Variants in TMEM135 observed in about 807,000 individuals in gnomAD.
TMEM135 encodes the protein transmembrane protein 135, also known as peroxisomal membrane protein 52.
A neutral mutation model predicts 60.3 loss-of-function variants in TMEM135; 30 were observed. The ratio of observed to expected loss-of-function variants is 0.50; its 90% CI spans 0.37 to 0.68. The LOEUF is 0.68. Ranked by LOEUF, TMEM135 falls within the 30% of genes least tolerant of loss-of-function variation. TMEM135 has a pLI of 0.00. For missense variants in TMEM135, 468 were observed against 548.8 expected, an observed-to-expected ratio of 0.85 and a Z score of 1.47; for synonymous variants, 190 against 186.7, an observed-to-expected ratio of 1.02 and a Z score of -0.14.
chr11:87,249,446 T>G (rs1941366029), intron 6 of TMEM135, among the ~76,000 whole-genome samples: 1 of 152,156 alleles, frequency 6.6e-6, no homozygotes, highest in Non-Finnish European at 1.5e-5. Flanking sequence ...TCTTTTGTAT[T>G]TTTTGTGTGT....
At chr11:87,057,652 G>T (rs949111521) in intron 1 of TMEM135, among the ~76,000 whole-genome samples, 2 of 151,982 alleles carry the variant, frequency 1.3e-5, no homozygotes, top group East Asian at 3.8e-4. Context: ...GGTAAATATT[G>T]GTCTATAATA....
intron 6 of TMEM135, among the ~76,000 whole-genome samples, chr11:87,258,193 C>G (rs12273390): frequency 0.38 from 52,877 of 138,608 alleles, 9,852 homozygotes; most frequent in Non-Finnish European, 0.44. Flanking sequence ...TGGGGAAAAG[C>G]CTTTTTTTTT....
chr11:87,091,419 G>A (rs768861685), intron 4 of TMEM135, 24 bp downstream of exon 4: 1 of 1,608,908 alleles, frequency 6.2e-7, no homozygotes, highest in Non-Finnish European at 8.5e-7. Flanking sequence ...TTTAACCTTT[G>A]ATGTCTTCCC....
intron 6 of TMEM135, among the ~76,000 whole-genome samples, chr11:87,250,573 G>A (rs519308): frequency 0.66 from 100,100 of 151,780 alleles, 33,562 homozygotes; most frequent in Non-Finnish European, 0.71. Context: ...TCTATGTGTA[G>A]TTTCCAAAGT....
chr11:87,317,781 G>A (rs1051580772), intron 12 of TMEM135, among the ~76,000 whole-genome samples: 9 of 152,070 alleles, frequency 5.9e-5, no homozygotes, highest in African/African-American at 2.2e-4. Context: ...CCGGCGTGTA[G>A]ACACCATTAA....
intron 4 of TMEM135, among the ~76,000 whole-genome samples, chr11:87,146,992 G>A (rs1591055078): frequency 6.6e-6 from 1 of 151,978 alleles, no homozygotes; most frequent in Non-Finnish European, 1.5e-5. Flanking sequence ...CTTTCTATAA[G>A]ATGATGCCTA....
rs1942465954 is a variant in TMEM135 at position 87,302,434 on chromosome 11, G to A, written c.690G>A (p.Val230=). Residue 230 remains valine, a synonymous_variant, in exon 8 of 15, where the codon GTG becomes GTA. Coordinates refer to ENST00000305494, the MANE Select transcript of TMEM135 (RefSeq NM_022918.4). ...MNMIGLVRKF[V]DSICKHGPRH... is the part of the protein sequence containing the mutation. ...TGATTGGTCTAGTCAGGAAATTTGT[G>A]GATTCAATGTGAGCTCTTTATCTTG... is the stretch of plus-strand genomic sequence containing the variant. 7 of 1,613,748 alleles carry A rather than the reference G, an allele frequency of 4.3e-6. No homozygotes were observed. In the East Asian group the frequency reaches 1.6e-4, roughly 36 times the overall value.
At chr11:87,084,847 G>T (rs1445397182) in intron 3 of TMEM135, among the ~76,000 whole-genome samples, 2 of 152,142 alleles carry the variant, frequency 1.3e-5, no homozygotes, top group Non-Finnish European at 2.9e-5. Flanking sequence ...CTCCTGTGAA[G>T]TTTAACAAGT....
In TMEM135 at chr11:87,322,224, G is replaced by T. The variant is rs1248212119; in HGVS notation, c.*891G>T. 4.4e-6 allele frequency: 2 copies of T among 454,272 alleles called. No homozygotes were observed. Among genetic ancestry groups the T allele is most frequent in the Admixed American group, 2.4e-5 (1 of 42,544 alleles). The allele number at this position is 454,272 out of a possible 1,614,324, so 28.1% of individuals were successfully genotyped here. A position where few individuals can be genotyped will look rare whatever the true frequency, so the allele number is the denominator to read the frequency against. On this transcript the variant is annotated 3_prime_UTR_variant, in exon 15 of 15. Coordinates refer to ENST00000305494, the MANE Select transcript of TMEM135 (RefSeq NM_022918.4). ...TTATATGCCATTGTTGTATTAGAAG[G>T]GATCAAAATCCTATGGAACAAAGTA...
chr11:87,180,591 G>A (rs1473568187), intron 5 of TMEM135, among the ~76,000 whole-genome samples: 1 of 152,096 alleles, frequency 6.6e-6, no homozygotes, highest in Non-Finnish European at 1.5e-5. Flanking sequence ...TCAAGGAGAT[G>A]AAATAAAAAG....
At chr11:87,248,447 G>A (rs568249411) in intron 6 of TMEM135, among the ~76,000 whole-genome samples, 1 of 152,250 alleles carries the variant, frequency 6.6e-6, no homozygotes, top group South Asian at 2.1e-4. Flanking sequence ...TTTCTCTGAT[G>A]ATCAGTGATG....
rs1277815177 is a variant in TMEM135 at position 87,164,660 on chromosome 11, C to T, written c.462+7254C>T. ...GGCCGTTTTCACGATATTGATTCTT[C>T]CTGCCCATGAGCATGGAATGTTCTT... On this transcript the variant is annotated intron_variant, in intron 5 of 14. Coordinates refer to ENST00000305494, the MANE Select transcript of TMEM135 (RefSeq NM_022918.4). Among the ~76,000 whole-genome samples the T allele has an allele frequency of 2.0e-5, 2 of 97,690 alleles. 1 individual carries two copies. The highest frequency in any genetic ancestry group is 3.8e-5 in the Non-Finnish European group (2 of 52,414). 64.1% of individuals were successfully genotyped at this position (97,690 alleles called of 152,430 possible).
intron 5 of TMEM135, among the ~76,000 whole-genome samples, chr11:87,161,044 C>T (rs917561079): frequency 6.6e-6 from 1 of 152,240 alleles, no homozygotes; most frequent in South Asian, 2.1e-4. Flanking sequence ...GGACCACATG[C>T]ATCCACTACC....
rs1057238242 is a variant in TMEM135 at position 87,328,119 on chromosome 11, C to T, written c.*6786C>T. On this transcript the variant is annotated 3_prime_UTR_variant, in exon 15 of 15. Transcript: ENST00000305494. ...CATCACAGGCTTTATGGCTCTATTACCCAAGAATTCTGTTACTTTCAGCTG... is the reference window on the plus strand; with the variant it reads ...CATCACAGGCTTTATGGCTCTATTATCCAAGAATTCTGTTACTTTCAGCTG... The T allele has an allele frequency of 4.4e-6, 2 of 454,022 alleles. No homozygotes were observed. Among genetic ancestry groups the T allele is most frequent in the Non-Finnish European group, 4.4e-6 (1 of 226,784 alleles). 28.1% of individuals were successfully genotyped at this position (454,022 alleles called of 1,614,324 possible).
At chr11:87,141,625 G>A (rs1272910684) in intron 4 of TMEM135, among the ~76,000 whole-genome samples, 4 of 152,104 alleles carry the variant, frequency 2.6e-5, no homozygotes, top group Admixed American at 2.6e-4. Flanking sequence ...GCAAATAGAA[G>A]TGGTGAGAGT....
intron 6 of TMEM135, among the ~76,000 whole-genome samples, chr11:87,253,244 A>C (rs1413930840): frequency 6.6e-6 from 1 of 152,158 alleles, no homozygotes; most frequent in African/African-American, 2.4e-5. Flanking sequence ...CTAACATTTT[A>C]TAATGAATAT....
chr11:87,142,802 T>A (rs913614330), intron 4 of TMEM135, among the ~76,000 whole-genome samples: 12 of 139,928 alleles, frequency 8.6e-5, no homozygotes, highest in Non-Finnish European at 3.1e-5. Context: ...TCCTTTTACT[T>A]TTCCTTCTGC....
intron 10 of TMEM135, among the ~76,000 whole-genome samples, chr11:87,310,269 A>G (rs1218155361): frequency 2.0e-5 from 3 of 152,174 alleles, no homozygotes; most frequent in Non-Finnish European, 4.4e-5. Context: ...GCCTAAACAT[A>G]TATGTAGAGA....
At chr11:87,273,533 C>T (rs1191388045) in intron 6 of TMEM135, among the ~76,000 whole-genome samples, 2 of 151,896 alleles carry the variant, frequency 1.3e-5, no homozygotes, top group South Asian at 2.1e-4. Flanking sequence ...GTATTGCTCA[C>T]AAAATGAAAA....
Sources: gnomAD v4.1 joint callset for allele counts (sites outside exome capture counted in the v4.1 genomes callset) on GRCh38, gnomAD v4.1.1 for gene constraint, MANE v1.5 for transcripts, NCBI Gene and HGNC (gene_info 2026-07-23, HGNC 2026-07-21) for gene names.